IGF2BP2: variants seen among roughly 807,000 people sequenced by gnomAD.
IGF2BP2 encodes insulin like growth factor 2 mRNA binding protein 2.
Under a neutral mutation model 75.8 loss-of-function variants are expected in IGF2BP2, and 17 were observed. The observed-to-expected ratio is 0.22, with a 90% confidence interval of 0.15 to 0.34. The LOEUF is 0.34. IGF2BP2 is among the 10% of genes least tolerant of loss of function. The pLI is 1.00. For synonymous variants in IGF2BP2, 288 were observed against 295.6 expected (o/e 0.97, Z 0.26); for missense variants, 516 against 772.4 (o/e 0.67, Z 3.93).
chr3:185,738,153 T>G lies in IGF2BP2; in HGVS notation c.240-39806A>C, dbSNP rs1578150532. Among the ~76,000 whole-genome samples, 3 of 152,336 alleles carry G rather than the reference T, an allele frequency of 2.0e-5. No individual in the cohort carries two copies. In the East Asian group the frequency reaches 5.8e-4, roughly 29 times the overall value. On this transcript the variant is annotated intron_variant, in intron 2 of 15. Coordinates refer to ENST00000382199, the MANE Select transcript of IGF2BP2 (RefSeq NM_006548.6). ...AAAATAAATTCATTTCTACCAAGAT[T>G]AAGTATCCTCACTTGCTATCTATTT...
At chr3:185,692,100 G>A (rs1379063184) in intron 5 of IGF2BP2, among the ~76,000 whole-genome samples, 1 of 152,140 alleles carries the variant, frequency 6.6e-6, no homozygotes, top group Non-Finnish European at 1.5e-5. Flanking sequence ...AACCATCCCT[G>A]AAGTAATGAA....
chr3:185,677,856 C>G (rs958873065), intron 7 of IGF2BP2, among the ~76,000 whole-genome samples: 1 of 152,024 alleles, frequency 6.6e-6, no homozygotes, highest in Non-Finnish European at 1.5e-5. Flanking sequence ...CAGATTTGAC[C>G]AGACAGAGGA....
chr3:185,645,760 G>A lies in IGF2BP2; in HGVS notation c.1708-137C>T, dbSNP rs946592584. The A allele has an allele frequency of 9.2e-6, 6 of 651,568 alleles. No individual in the cohort carries two copies. Among genetic ancestry groups the A allele is most frequent in the South Asian group, 5.5e-5 (3 of 54,270 alleles). 40.4% of individuals were successfully genotyped at this position (651,568 alleles called of 1,614,324 possible). ...AGACAAGCATCATCTACCCACCCCC[G>A]CACGTTACTCCAGGCCCTTTTCTGC... On this transcript the variant is annotated intron_variant, in intron 15 of 15. Coordinates refer to ENST00000382199, the MANE Select transcript of IGF2BP2 (RefSeq NM_006548.6). The surrounding 1 kb of genome is among the most constrained non-coding windows in gnomAD (Gnocchi z 4.9).
At chr3:185,715,981 GT>G (rs1725551501) in intron 2 of IGF2BP2, among the ~76,000 whole-genome samples, 2 of 152,006 alleles carry the variant, frequency 1.3e-5, no homozygotes, top group African/African-American at 4.8e-5. Flanking sequence ...TGGCTGCCAG[GT>G]CCACTTAACC....
At chr3:185,793,153 A>G (rs1459200986) in intron 2 of IGF2BP2, among the ~76,000 whole-genome samples, 1 of 152,182 alleles carries the variant, frequency 6.6e-6, no homozygotes, top group African/African-American at 2.4e-5. Context: ...TTCCTACATT[A>G]AGGAGTGTTT....
At chr3:185,648,931 G>GT (rs755658184) in intron 14 of IGF2BP2, among the ~76,000 whole-genome samples, 44 of 152,136 alleles carry the variant, frequency 2.9e-4, no homozygotes, top group Non-Finnish European at 5.4e-4. Context: ...AGGGCTGAGA[G>GT]TCAGAAGAGA....
chr3:185,748,546 T>C (rs1410049691), intron 2 of IGF2BP2, among the ~76,000 whole-genome samples: 1 of 152,210 alleles, frequency 6.6e-6, no homozygotes, highest in African/African-American at 2.4e-5. Flanking sequence ...CAGCAAATTG[T>C]AGACCAGCAG....
chr3:185,727,481 C>A (rs537136301), intron 2 of IGF2BP2, among the ~76,000 whole-genome samples: 46 of 152,194 alleles, frequency 3.0e-4, no homozygotes, highest in African/African-American at 8.9e-4. Flanking sequence ...ACAGGTTGAA[C>A]AGGTGAACAA....
chr3:185,685,341 A>C (rs1283791586), intron 7 of IGF2BP2, among the ~76,000 whole-genome samples: 1 of 148,730 alleles, frequency 6.7e-6, no homozygotes, highest in Non-Finnish European at 1.5e-5. Context: ...CTCCGTCTCA[A>C]AAAAAAAAAA....
intron 2 of IGF2BP2, among the ~76,000 whole-genome samples, chr3:185,810,316 G>GA (rs1302307124): frequency 2.0e-5 from 3 of 152,196 alleles, no homozygotes; most frequent in Non-Finnish European, 4.4e-5. Flanking sequence ...CCAGGGAACA[G>GA]AAGCAGAGTC....
At position 185,752,639 on chromosome 3, in the gene IGF2BP2, G is replaced by A. The variant is rs1470926844; in HGVS notation, c.240-54292C>T. Among the ~76,000 whole-genome samples the A allele has an allele frequency of 2.0e-5, 3 of 151,992 alleles. No individual in the cohort carries two copies. The East Asian group carries it at 5.8e-4, about 29-fold the overall frequency. On this transcript the variant is annotated intron_variant, in intron 2 of 15. Transcript: ENST00000382199. ...GTGTCTCTCTCTGTCACCCAGGCTG[G>A]AGTGCAGTGGCATGATCTTGGCTCA...
chr3:185,784,279 C>CAGACAGAT (rs1735587697), intron 2 of IGF2BP2, among the ~76,000 whole-genome samples: 1 of 152,104 alleles, frequency 6.6e-6, no homozygotes, highest in Non-Finnish European at 1.5e-5. Flanking sequence ...GACAGACAGA[C>CAGACAGAT]AGACAGACAA....
At chr3:185,716,904 G>A (rs984224112) in intron 2 of IGF2BP2, 2 of 466,024 alleles carry the variant, frequency 4.3e-6, no homozygotes, top group Non-Finnish European at 8.5e-6. Context: ...CTGTTGTAAC[G>A]CTCTGTTTAC....
At chr3:185,676,048 G>T in intron 7 of IGF2BP2, 135 bp from the exon 8 acceptor site, 1 of 1,127,536 alleles carries the variant, frequency 8.9e-7, no homozygotes, top group Non-Finnish European at 1.2e-6. Context: ...TTTGGGAGAG[G>T]TCAGGTCCCT....
intron 2 of IGF2BP2, chr3:185,716,670 G>A (rs1164532566): frequency 1.9e-6 from 1 of 520,154 alleles, no homozygotes; most frequent in South Asian, 1.4e-5. Flanking sequence ...CCCTGATCTG[G>A]TTAAGGAGAG....
chr3:185,818,906 A>G (rs1740964494), intron 2 of IGF2BP2, among the ~76,000 whole-genome samples: 1 of 152,174 alleles, frequency 6.6e-6, no homozygotes. Flanking sequence ...CACACATTAA[A>G]AAAACACAAA....
chr3:185,786,337 G>A (rs923527906), intron 2 of IGF2BP2, among the ~76,000 whole-genome samples: 3 of 152,042 alleles, frequency 2.0e-5, no homozygotes, highest in African/African-American at 7.3e-5. Context: ...CTAAGCCATC[G>A]TATCCCCTGT....
At chr3:185,774,266 T>C (rs1437660486) in intron 2 of IGF2BP2, among the ~76,000 whole-genome samples, 1 of 152,172 alleles carries the variant, frequency 6.6e-6, no homozygotes, top group Admixed American at 6.5e-5. Context: ...AGATGTCTGC[T>C]TGTTTTCCTC....
At chr3:185,793,629 G>A (rs907683168) in intron 2 of IGF2BP2, among the ~76,000 whole-genome samples, 4 of 152,164 alleles carry the variant, frequency 2.6e-5, no homozygotes, top group African/African-American at 7.2e-5. Flanking sequence ...CATCAGCCTA[G>A]GTAAGAGAGA....
Sources: allele counts gnomAD v4.1 joint callset (sites outside exome capture counted in the v4.1 genomes callset), GRCh38; gene constraint gnomAD v4.1.1; non-coding constraint Gnocchi (gnomAD v3.1); transcripts MANE v1.5; gene names NCBI Gene and HGNC (gene_info 2026-07-23, HGNC 2026-07-21).